The following SNTG1 variants were observed in gnomAD, a reference collection of about 807,000 sequenced individuals.
SNTG1 encodes syntrophin gamma 1.
A neutral mutation model predicts 74.7 loss-of-function variants in SNTG1; 39 were observed. The ratio of observed to expected loss-of-function variants is 0.52; its 90% CI spans 0.40 to 0.68. The LOEUF (loss-of-function observed/expected upper bound fraction) is 0.68, where lower values mean the gene tolerates loss of function less well. Ranked by LOEUF, SNTG1 falls within the 30% of genes least tolerant of loss-of-function variation. The pLI is 0.00. For synonymous variants in SNTG1, 254 were observed against 217.1 expected (o/e 1.17, Z -1.49); for missense variants, 685 against 609.5 (o/e 1.12, Z -1.30).
At position 50,627,557 on chromosome 8, in the gene SNTG1, G is replaced by A. The variant is rs148421450; in HGVS notation, c.850-29352G>A. On this transcript the variant is annotated intron_variant, in intron 13 of 18. Transcript: ENST00000642720. ...GTTCTTTATAAATTCCCCAGTGTTA[G>A]GCATTCTGTTATGGCAACACAAAAC... Among the ~76,000 whole-genome samples the A allele has an allele frequency of 1.9e-3, 293 of 152,088 alleles. 2 individuals are homozygous for A. The highest frequency in any genetic ancestry group is 0.012 in the Admixed American group (190 of 15,256).
chr8:50,090,802 C>G (rs1256954723), intron 1 of SNTG1, among the ~76,000 whole-genome samples: 1 of 151,960 alleles, frequency 6.6e-6, no homozygotes. Context: ...TAGTTAGAAC[C>G]TGAGACACAA....
chr8:50,249,706 A>G (rs992029777), intron 2 of SNTG1, among the ~76,000 whole-genome samples: 2 of 152,170 alleles, frequency 1.3e-5, no homozygotes, highest in African/African-American at 4.8e-5. Flanking sequence ...CTCACACATC[A>G]CAATCAAGGG....
chr8:50,195,297 C>T (rs2083723448), intron 2 of SNTG1, among the ~76,000 whole-genome samples: 1 of 151,966 alleles, frequency 6.6e-6, no homozygotes, highest in Non-Finnish European at 1.5e-5. Flanking sequence ...CCGTGACCCC[C>T]ACAAGAACCC....
chr8:50,137,567 A>G (rs2081514372), intron 1 of SNTG1, among the ~76,000 whole-genome samples: 1 of 152,200 alleles, frequency 6.6e-6, no homozygotes, highest in African/African-American at 2.4e-5. Context: ...AGAAGGCAAT[A>G]AGTATTCCCG....
chr8:50,726,422 TC>T (rs1035718893), intron 17 of SNTG1, among the ~76,000 whole-genome samples: 3 of 151,996 alleles, frequency 2.0e-5, no homozygotes, highest in African/African-American at 7.2e-5. Context: ...GGGGGAGCGC[TC>T]AAGTGGGGCC....
At chr8:50,230,599 G>A (rs1162583035) in intron 2 of SNTG1, among the ~76,000 whole-genome samples, 2 of 151,240 alleles carry the variant, frequency 1.3e-5, no homozygotes, top group Non-Finnish European at 3.0e-5. Flanking sequence ...GGACAAGATC[G>A]TTTCATTTGC....
intron 2 of SNTG1, among the ~76,000 whole-genome samples, chr8:50,390,053 A>G (rs10435621): frequency 0.69 from 103,478 of 150,624 alleles, 35,783 homozygotes; most frequent in East Asian, 0.84. Flanking sequence ...CTCTGATGGT[A>G]GTTTCTTTTG....
At chr8:50,027,150 G>A (rs1817338410) in intron 1 of SNTG1, among the ~76,000 whole-genome samples, 5 of 152,240 alleles carry the variant, frequency 3.3e-5, no homozygotes, top group African/African-American at 9.6e-5. Context: ...AAAAGTGGGG[G>A]TGAAAGCGGG....
intron 4 of SNTG1, among the ~76,000 whole-genome samples, chr8:50,429,084 A>G (rs1377149309): frequency 1.3e-5 from 2 of 151,602 alleles, no homozygotes; most frequent in Admixed American, 1.3e-4. Flanking sequence ...AAATTGATCT[A>G]CATTATAAAT....
Position 50,225,104 on chromosome 8 carries a change from G to A in SNTG1, c.-28+52469G>A, listed in dbSNP as rs533325644. On this transcript the variant is annotated intron_variant, in intron 2 of 18. Transcript: ENST00000642720. ...CCCTGCCTCAGCCTCCTGAGTAGCT[G>A]GGACTACAGGCGCCCACCACCACGT... Among the ~76,000 whole-genome samples the A allele has an allele frequency of 2.7e-3, 408 of 152,122 alleles. 2 individuals are homozygous for A. The highest frequency in any genetic ancestry group is 9.3e-3 in the African/African-American group (385 of 41,504).
At chr8:49,918,371 T>C (rs1321176835) in intron 1 of SNTG1, among the ~76,000 whole-genome samples, 4 of 152,168 alleles carry the variant, frequency 2.6e-5, no homozygotes, top group African/African-American at 9.7e-5. Flanking sequence ...CTCATACACA[T>C]GCAACAGCTA....
chr8:50,684,702 TTTTTC>T (rs1244890740), intron 15 of SNTG1, among the ~76,000 whole-genome samples: 1 of 151,284 alleles, frequency 6.6e-6, no homozygotes, highest in East Asian at 1.9e-4. Flanking sequence ...TTGCACAACA[TTTTTC>T]TTTTTTTTTG....
At chr8:50,400,353 T>C (rs1350977160) in intron 3 of SNTG1, among the ~76,000 whole-genome samples, 1 of 152,230 alleles carries the variant, frequency 6.6e-6, no homozygotes, top group Non-Finnish European at 1.5e-5. Flanking sequence ...ATTCCTTTTT[T>C]ATGGCTGAAT....
In SNTG1 at chr8:50,221,123, G is replaced by A. The variant is rs139443319; in HGVS notation, c.-28+48488G>A. Reference sequence around the variant, plus strand: ...AAATCATTAAAACTCCTATATATTTGGAAATTAAAGGAAATCTTCTAAGTA... The same window carrying A: ...AAATCATTAAAACTCCTATATATTTAGAAATTAAAGGAAATCTTCTAAGTA... On this transcript the variant is annotated intron_variant, in intron 2 of 18. Coordinates refer to ENST00000642720, the MANE Select transcript of SNTG1 (RefSeq NM_018967.5). Among the ~76,000 whole-genome samples the A allele has an allele frequency of 8.1e-3, 1,233 of 152,056 alleles. 20 individuals are homozygous for A. Among genetic ancestry groups the A allele is most frequent in the African/African-American group, 0.029 (1,184 of 41,462 alleles).
At chr8:50,149,177 C>A (rs993125310) in intron 1 of SNTG1, among the ~76,000 whole-genome samples, 1 of 152,204 alleles carries the variant, frequency 6.6e-6, no homozygotes, top group African/African-American at 2.4e-5. Flanking sequence ...CTGTTGGCTG[C>A]ATAAATGTCT....
chr8:50,377,786 A>G (rs936947079), intron 2 of SNTG1, among the ~76,000 whole-genome samples: 1 of 152,258 alleles, frequency 6.6e-6, no homozygotes, highest in Non-Finnish European at 1.5e-5. Context: ...CAAAATGTCC[A>G]TGAGACTGCA....
At chr8:50,738,049 T>C (rs10453121) in intron 17 of SNTG1, among the ~76,000 whole-genome samples, 1 of 152,006 alleles carries the variant, frequency 6.6e-6, no homozygotes, top group Non-Finnish European at 1.5e-5. Flanking sequence ...GTATTGGAAG[T>C]TCTGGCCAGG....
intron 17 of SNTG1, among the ~76,000 whole-genome samples, chr8:50,732,722 A>AT: frequency 6.6e-6 from 1 of 151,890 alleles, no homozygotes; most frequent in Non-Finnish European, 1.5e-5. Flanking sequence ...TTATGTAAAT[A>AT]TTTTTTCCAC....
chr8:50,148,613 A>G (rs1408672538), intron 1 of SNTG1, among the ~76,000 whole-genome samples: 1 of 151,942 alleles, frequency 6.6e-6, no homozygotes, highest in African/African-American at 2.4e-5. Context: ...AAGTGTTCTC[A>G]TTGTTCAATT....
Sources: gnomAD v4.1 joint callset for allele counts (sites outside exome capture counted in the v4.1 genomes callset) on GRCh38, gnomAD v4.1.1 for gene constraint, MANE v1.5 for transcripts, NCBI Gene and HGNC (gene_info 2026-07-23, HGNC 2026-07-21) for gene names.